The following RAD51B variants were observed in gnomAD, a reference collection of about 807,000 sequenced individuals.
RAD51B encodes the protein RAD51 paralog B, also known as DNA repair protein RAD51 homolog 2.
A neutral mutation model predicts 42.2 loss-of-function variants in RAD51B; 38 were observed. The ratio of observed to expected loss-of-function variants is 0.90; its 90% CI spans 0.70 to 1.18. The LOEUF is 1.18. Among genes scored for constraint, RAD51B ranks in the 50% most tolerant of loss-of-function variants. RAD51B has a pLI of 0.00. For missense variants in RAD51B, 373 were observed against 400.7 expected, an observed-to-expected ratio of 0.93 and a Z score of 0.59; for synonymous variants, 154 against 145.2, an observed-to-expected ratio of 1.06 and a Z score of -0.43.
At position 68,215,083 on chromosome 14, in the gene RAD51B, G is replaced by A. The variant is rs2079785948; in HGVS notation, c.757-76801G>A. On this transcript the variant is annotated intron_variant, in intron 7 of 10. Coordinates refer to ENST00000471583, the MANE Select transcript of RAD51B (RefSeq NM_133510.4). ...TTGAAGAAGATTAATTATCTCCATT[G>A]CCTCAAATGACAAAGATAGTATGTT... 2.0e-5 allele frequency among the ~76,000 whole-genome samples: 3 copies of A among 152,084 alleles called. No homozygotes were observed. In the South Asian group the frequency reaches 6.2e-4, roughly 32 times the overall value.
At chr14:68,053,243 T>C (rs914463478) in intron 7 of RAD51B, among the ~76,000 whole-genome samples, 3 of 152,236 alleles carry the variant, frequency 2.0e-5, no homozygotes, top group African/African-American at 7.2e-5. Flanking sequence ...AGGCTATTTT[T>C]CCATAAGCGG....
intron 9 of RAD51B, among the ~76,000 whole-genome samples, chr14:68,447,895 T>C (rs1374500597): frequency 1.3e-5 from 2 of 152,248 alleles, no homozygotes; most frequent in Non-Finnish European, 2.9e-5. Context: ...GTAACTAAGA[T>C]GAAATTAGTA....
intron 7 of RAD51B, among the ~76,000 whole-genome samples, chr14:68,132,088 G>A (rs981424216): frequency 1.3e-5 from 2 of 152,150 alleles, no homozygotes; most frequent in East Asian, 3.8e-4. Context: ...ATTCTTCTGG[G>A]CTTCACTGCC....
At chr14:67,933,962 A>G (rs1489204308) in intron 7 of RAD51B, among the ~76,000 whole-genome samples, 2 of 152,218 alleles carry the variant, frequency 1.3e-5, no homozygotes, top group Non-Finnish European at 2.9e-5. Flanking sequence ...AGGGCAATAA[A>G]TAAAGTCAAT....
intron 7 of RAD51B, among the ~76,000 whole-genome samples, chr14:68,090,548 C>T (rs1407946694): frequency 1.3e-5 from 2 of 151,994 alleles, no homozygotes; most frequent in Non-Finnish European, 2.9e-5. Context: ...AAATAATGTA[C>T]AGGTGCAAAT....
rs188362334 is a variant in RAD51B at position 68,143,103 on chromosome 14, G to A, written c.757-148781G>A. Among the ~76,000 whole-genome samples the A allele has an allele frequency of 3.1e-4, 47 of 152,260 alleles. 1 individual carries two copies. The East Asian group carries it at 8.1e-3, about 26-fold the overall frequency. ...GTGGACAGGTGACTGGCTGGATGGG[G>A]ATGAGAGAGCTGGGTACTTGTCCCA... On this transcript the variant is annotated intron_variant, in intron 7 of 10. Transcript: ENST00000471583.
intron 7 of RAD51B, among the ~76,000 whole-genome samples, chr14:68,081,401 A>G (rs1389799940): frequency 1.3e-5 from 2 of 152,178 alleles, no homozygotes; most frequent in East Asian, 1.9e-4. Flanking sequence ...GTGGCACAGG[A>G]CATGTGTTCG....
At chr14:68,001,485 A>G (rs2075481491) in intron 7 of RAD51B, among the ~76,000 whole-genome samples, 1 of 152,124 alleles carries the variant, frequency 6.6e-6, no homozygotes, top group Admixed American at 6.6e-5. Context: ...CTTTTAATGG[A>G]CAAGGCAGTA....
At chr14:67,823,742 A>G in intron 2 of RAD51B, 115 bp downstream of exon 2, 1 of 808,186 alleles carries the variant, frequency 1.2e-6, no homozygotes. Context: ...AAGATAAATG[A>G]TGGTGCTTTT....
At chr14:67,850,793 G>T (rs1435668447) in intron 4 of RAD51B, among the ~76,000 whole-genome samples, 1 of 152,172 alleles carries the variant, frequency 6.6e-6, no homozygotes, top group Admixed American at 6.5e-5. Context: ...CACAGTCTCT[G>T]TGGGGGTTTG....
intron 8 of RAD51B, among the ~76,000 whole-genome samples, chr14:68,381,972 C>T (rs915147734): frequency 7.2e-5 from 11 of 152,166 alleles, no homozygotes; most frequent in Admixed American, 6.5e-4. Flanking sequence ...ATGTAATGGC[C>T]AGTGGATGCA....
At chr14:68,094,444 A>G (rs1199522311) in intron 7 of RAD51B, among the ~76,000 whole-genome samples, 2 of 152,238 alleles carry the variant, frequency 1.3e-5, no homozygotes, top group Non-Finnish European at 2.9e-5. Context: ...TATTTAATGA[A>G]AAATATAAAA....
chr14:68,630,261 CT>C (rs907776919), intron 10 of RAD51B, among the ~76,000 whole-genome samples: 1 of 152,160 alleles, frequency 6.6e-6, no homozygotes, highest in African/African-American at 2.4e-5. Flanking sequence ...TTTCCAGGCA[CT>C]CTTGAGCCTC....
At chr14:68,473,050 A>G (rs1363337896) in intron 10 of RAD51B, among the ~76,000 whole-genome samples, 1 of 152,168 alleles carries the variant, frequency 6.6e-6, no homozygotes, top group Non-Finnish European at 1.5e-5. Context: ...GTCCCCCCAA[A>G]TACCACCACT....
rs964651415 is a variant in RAD51B, at chr14:68,044,808, A to G, written c.756+157604A>G. The stretch of plus-strand genomic sequence containing the variant: ...TAATCTAATTAGTGAATGCTTATCA[A>G]TGACCAATGAGAACATTGTCACATT... On this transcript the variant is annotated intron_variant, in intron 7 of 10. Coordinates refer to ENST00000471583, the MANE Select transcript of RAD51B (RefSeq NM_133510.4). Among the ~76,000 whole-genome samples, 5 of 152,088 alleles carry G rather than the reference A, an allele frequency of 3.3e-5. No homozygotes were observed. In the South Asian group the frequency reaches 6.2e-4, roughly 19 times the overall value.
chr14:68,373,554 G>A (rs533434658), intron 8 of RAD51B, among the ~76,000 whole-genome samples: 1 of 152,228 alleles, frequency 6.6e-6, no homozygotes, highest in East Asian at 1.9e-4. Flanking sequence ...TCAGTCATAA[G>A]TGGGATTTAA....
chr14:68,421,214 G>T (rs1180724937), intron 9 of RAD51B, among the ~76,000 whole-genome samples: 2 of 152,072 alleles, frequency 1.3e-5, no homozygotes, highest in African/African-American at 4.8e-5. Flanking sequence ...CTGCTTGTGT[G>T]TGTGAGATTT....
chr14:68,213,332 G>A (rs1010513110), intron 7 of RAD51B, among the ~76,000 whole-genome samples: 3 of 152,142 alleles, frequency 2.0e-5, no homozygotes, highest in African/African-American at 7.2e-5. Context: ...AGATGTAGAG[G>A]CACAGATATG....
chr14:68,464,631 T>C (rs772013954), intron 9 of RAD51B, among the ~76,000 whole-genome samples: 25 of 152,336 alleles, frequency 1.6e-4, no homozygotes, highest in Non-Finnish European at 2.8e-4. Flanking sequence ...CACTCACAAG[T>C]CCACTTAATG....
Sources: gnomAD v4.1 joint callset for allele counts (sites outside exome capture counted in the v4.1 genomes callset) on GRCh38, gnomAD v4.1.1 for gene constraint, MANE v1.5 for transcripts, NCBI Gene and HGNC (gene_info 2026-07-23, HGNC 2026-07-21) for gene names.